DAAM2: variants seen among roughly 807,000 people sequenced by gnomAD.
The protein encoded by DAAM2 is dishevelled associated activator of morphogenesis 2.
DAAM2 carries 39 observed loss-of-function variants against 120.7 expected under a neutral mutation model. The ratio of observed to expected loss-of-function variants is 0.32; its 90% CI spans 0.25 to 0.42. DAAM2 has a LOEUF of 0.42. Ranked by LOEUF, DAAM2 falls within the 10% of genes least tolerant of loss-of-function variation. The probability of loss-of-function intolerance (pLI) is 1.00; values close to 1 mark genes in which losing one functional copy is unlikely to be tolerated. For synonymous variants in DAAM2, 488 were observed against 524.9 expected (o/e 0.93, Z 0.96); for missense variants, 1,283 against 1,401.7 (o/e 0.92, Z 1.35).
At chr6:39,873,194 C>A in intron 9 of DAAM2, 44 bp from the exon 10 acceptor site, 1 of 1,311,380 alleles carries the variant, frequency 7.6e-7, no homozygotes, top group Non-Finnish European at 1.1e-6. Flanking sequence ...TGCTGACTTC[C>A]TCTGCTGCCT....
intron 15 of DAAM2, chr6:39,886,136 G>A (rs1374720058): frequency 1.2e-5 from 4 of 346,212 alleles, no homozygotes; most frequent in Non-Finnish European, 2.1e-5. Flanking sequence ...AGAACTCAGG[G>A]GTTTGGTCTG....
At chr6:39,837,351 A>G (rs191256177) in intron 1 of DAAM2, among the ~76,000 whole-genome samples, 1 of 152,198 alleles carries the variant, frequency 6.6e-6, no homozygotes, top group Admixed American at 6.5e-5. Flanking sequence ...CATGGGTGGA[A>G]TATTAGGAGT....
At chr6:39,814,808 C>T (rs1048443803) in intron 1 of DAAM2, among the ~76,000 whole-genome samples, 2 of 152,204 alleles carry the variant, frequency 1.3e-5, no homozygotes, top group African/African-American at 4.8e-5. Flanking sequence ...ACCTCAGCAT[C>T]TGTTCTCACC....
At chr6:39,836,444 G>C (rs755389733) in intron 1 of DAAM2, among the ~76,000 whole-genome samples, 37 of 152,106 alleles carry the variant, frequency 2.4e-4, no homozygotes, top group Non-Finnish European at 3.8e-4. Context: ...AAAAACGCGA[G>C]GTCATTATTA....
At position 39,895,831 on chromosome 6, in the gene DAAM2, T is replaced by C. The variant is rs28613762; in HGVS notation, c.2342-981T>C. 1.6e-3 allele frequency among the ~76,000 whole-genome samples: 244 copies of C among 152,316 alleles called. 5 individuals are homozygous for C. In the East Asian group the frequency reaches 0.043, roughly 27 times the overall value. The stretch of plus-strand genomic sequence containing the variant: ...AAGTTTTGGTTACTGTTAGCTTAGT[T>C]TGTATTTCTGGCAAAGATAACATTT... On this transcript the variant is annotated intron_variant, in intron 19 of 24. Coordinates refer to ENST00000274867, the MANE Select transcript of DAAM2 (RefSeq NM_001201427.2).
At chr6:39,899,143 G>T in intron 22 of DAAM2, 1 of 564,956 alleles carries the variant, frequency 1.8e-6, no homozygotes. Flanking sequence ...CCATGTTACT[G>T]TCCAACTTGG....
At position 39,878,880 on chromosome 6, in the gene DAAM2, A is replaced by T. The variant is rs1221538543; in HGVS notation, c.1545+292A>T. 6.6e-6 allele frequency among the ~76,000 whole-genome samples: 1 copy of T among 152,222 alleles called. No individual in the cohort carries two copies. Among genetic ancestry groups the T allele is most frequent in the East Asian group, 1.9e-4 (1 of 5,200 alleles). ...TCTCAGCTGGAGATCTTGTGCAGTC[A>T]GTAACCTACACAACTGCATAGATCA... is the stretch of plus-strand genomic sequence containing the variant. On this transcript the variant is annotated intron_variant, in intron 13 of 24. Transcript: ENST00000274867. This position sits in a 1 kb window ranked among gnomAD's most constrained non-coding sequence, Gnocchi z 5.0.
intron 7 of DAAM2, among the ~76,000 whole-genome samples, chr6:39,869,297 G>A (rs988898454): frequency 5.9e-5 from 9 of 152,154 alleles, no homozygotes; most frequent in Admixed American, 4.6e-4. Context: ...TATAAAAATA[G>A]CAACAGGCTG....
chr6:39,867,962 T>G, intron 6 of DAAM2, 119 bp downstream of exon 6: 2 of 883,478 alleles, frequency 2.3e-6, no homozygotes, highest in Non-Finnish European at 3.4e-6. Flanking sequence ...TAATGTGGTC[T>G]GCATGCCTGC....
At chr6:39,871,165 T>G (rs1562041778) in intron 8 of DAAM2, among the ~76,000 whole-genome samples, 1 of 152,234 alleles carries the variant, frequency 6.6e-6, no homozygotes, top group East Asian at 1.9e-4. Flanking sequence ...GCTGCTGGCA[T>G]CTAGTGGGTG....
intron 22 of DAAM2, chr6:39,899,832 A>G: frequency 2.7e-6 from 1 of 365,572 alleles, no homozygotes; most frequent in Non-Finnish European, 5.0e-6. Context: ...ATAATTTCCT[A>G]GGTGATGCTG....
intron 11 of DAAM2, among the ~76,000 whole-genome samples, chr6:39,877,645 T>C (rs748056959): frequency 6.6e-6 from 1 of 152,170 alleles, no homozygotes; most frequent in Non-Finnish European, 1.5e-5. Flanking sequence ...TAGGCCTTGG[T>C]GTCAAGGTAA....
intron 1 of DAAM2, among the ~76,000 whole-genome samples, chr6:39,795,066 G>A: frequency 6.6e-6 from 1 of 152,160 alleles, no homozygotes; most frequent in East Asian, 1.9e-4. Flanking sequence ...TGTACTAGGA[G>A]ACATTTCACT....
intron 1 of DAAM2, among the ~76,000 whole-genome samples, chr6:39,853,579 C>T (rs2504798): frequency 0.5 from 76,116 of 152,120 alleles, 19,764 homozygotes; most frequent in African/African-American, 0.65. Context: ...TGTAAACAGC[C>T]GGTGTAAGAC....
chr6:39,867,748 C>T lies in DAAM2; in HGVS notation c.667C>T (p.Leu223=), dbSNP rs1421450656. ...GACCAAGGTGGCTGTGCTGGAGATC[C>T]TGGGTGCTGTGTGCCTCGTGCCTGG... ...SKTKVAVLEI[L]GAVCLVPGGH... is the part of the protein sequence containing the mutation. Residue 223 remains leucine, a synonymous_variant, in exon 6 of 25, where the codon CTG becomes TTG. Coordinates refer to ENST00000274867, the MANE Select transcript of DAAM2 (RefSeq NM_001201427.2). The T allele has an allele frequency of 2.5e-6, 4 of 1,613,958 alleles. No homozygotes were observed. Among genetic ancestry groups the T allele is most frequent in the East Asian group, 4.5e-5 (2 of 44,880 alleles).
intron 1 of DAAM2, among the ~76,000 whole-genome samples, chr6:39,804,329 T>C (rs1761948017): frequency 6.6e-6 from 1 of 152,224 alleles, no homozygotes; most frequent in Middle Eastern, 3.2e-3. Flanking sequence ...TTACAGTGTC[T>C]GGTGGCAGAC....
At chr6:39,872,178 A>G (rs1173463372) in intron 9 of DAAM2, among the ~76,000 whole-genome samples, 1 of 152,080 alleles carries the variant, frequency 6.6e-6, no homozygotes, top group Non-Finnish European at 1.5e-5. Context: ...CTGGTGTGGG[A>G]TCTTCCTTAC....
At chr6:39,892,607 G>A (rs1765800958) in intron 19 of DAAM2, among the ~76,000 whole-genome samples, 1 of 152,126 alleles carries the variant, frequency 6.6e-6, no homozygotes, top group Non-Finnish European at 1.5e-5. Flanking sequence ...AGGCTGGGAG[G>A]CTCATTTGTG....
At chr6:39,844,021 AT>A (rs923971292) in intron 1 of DAAM2, among the ~76,000 whole-genome samples, 1 of 151,966 alleles carries the variant, frequency 6.6e-6, no homozygotes, top group Non-Finnish European at 1.5e-5. Context: ...CAAGTTACTG[AT>A]TTTCTCTGAG....
Sources: gnomAD v4.1 joint callset for allele counts (sites outside exome capture counted in the v4.1 genomes callset) on GRCh38, gnomAD v4.1.1 for gene constraint, Gnocchi (gnomAD v3.1) non-coding constraint, MANE v1.5 for transcripts, NCBI Gene and HGNC (gene_info 2026-07-23, HGNC 2026-07-21) for gene names.